ESRRG: variants seen among roughly 807,000 people sequenced by gnomAD.
ESRRG encodes estrogen-related receptor gamma.
A neutral mutation model predicts 44.0 loss-of-function variants in ESRRG; 13 were observed. That is an observed-to-expected ratio of 0.30 (90% CI 0.19 to 0.47). The LOEUF is 0.47. Ranked by LOEUF, ESRRG falls within the 20% of genes least tolerant of loss-of-function variation. The probability of loss-of-function intolerance (pLI) is 1.00; values close to 1 mark genes in which losing one functional copy is unlikely to be tolerated. For synonymous variants in ESRRG, 215 were observed against 214.6 expected (o/e 1.00, Z -0.02); for missense variants, 395 against 580.6 (o/e 0.68, Z 3.29).
chr1:216,841,120 T>G (rs2095646293), intron 2 of ESRRG, among the ~76,000 whole-genome samples: 1 of 152,154 alleles, frequency 6.6e-6, no homozygotes, highest in Non-Finnish European at 1.5e-5. Flanking sequence ...CCTGTAGTCA[T>G]CATCAACTCA....
intron 2 of ESRRG, chr1:216,862,612 T>C (rs2096071940): frequency 6.6e-6 from 1 of 152,136 alleles, no homozygotes. Context: ...AAAATAATTA[T>C]ACTGATTGAG....
At chr1:216,625,774 A>G (rs898761566) in intron 3 of ESRRG, among the ~76,000 whole-genome samples, 3 of 152,212 alleles carry the variant, frequency 2.0e-5, no homozygotes, top group African/African-American at 7.2e-5. Flanking sequence ...GCTTCTACAT[A>G]CATATACAGT....
intron 3 of ESRRG, among the ~76,000 whole-genome samples, chr1:216,641,199 A>G (rs2066350094): frequency 6.6e-6 from 1 of 152,202 alleles, no homozygotes; most frequent in Admixed American, 6.5e-5. Context: ...AGACAAATGC[A>G]GGGAGCACAG....
At chr1:217,124,936 T>G (rs879885205) in intron 1 of ESRRG, among the ~76,000 whole-genome samples, 3 of 152,192 alleles carry the variant, frequency 2.0e-5, no homozygotes, top group Middle Eastern at 3.2e-3. Flanking sequence ...CCAAATGGTC[T>G]AAAATGGCCT....
intron 1 of ESRRG, among the ~76,000 whole-genome samples, chr1:217,123,805 G>A (rs1247870797): frequency 6.6e-6 from 1 of 152,106 alleles, no homozygotes; most frequent in Admixed American, 6.6e-5. Context: ...AATGCATGCT[G>A]GGCTTAATAT....
At chr1:216,733,084 A>C (rs2152136651) in intron 2 of ESRRG, among the ~76,000 whole-genome samples, 1 of 152,164 alleles carries the variant, frequency 6.6e-6, no homozygotes, top group Middle Eastern at 3.4e-3. Flanking sequence ...AAAAAAATTC[A>C]ACTTTAAAAC....
rs370818306 is a variant in ESRRG at position 217,121,981 on chromosome 1, C to T, written c.-230+15686G>A. 2.2e-4 allele frequency among the ~76,000 whole-genome samples: 34 copies of T among 152,234 alleles called. No individual in the cohort carries two copies. In the South Asian group the frequency reaches 6.8e-3, roughly 31 times the overall value. ...TTTGCTTAAAAGGAAATTGCTTGTC[C>T]TGAATTTCTGTTCAGATAACCACGA... is the stretch of plus-strand genomic sequence containing the variant. On this transcript the variant is annotated intron_variant, in intron 1 of 8. Coordinates refer to the ESRRG transcript ENST00000366940.
intron 1 of ESRRG, among the ~76,000 whole-genome samples, chr1:217,073,047 A>G (rs1271372835): frequency 6.6e-6 from 1 of 152,012 alleles, no homozygotes; most frequent in Non-Finnish European, 1.5e-5. Flanking sequence ...TGACTGGAGC[A>G]TCAGACAAGG....
intron 1 of ESRRG, among the ~76,000 whole-genome samples, chr1:216,710,048 C>T (rs1418317603): frequency 6.6e-6 from 1 of 152,130 alleles, no homozygotes; most frequent in Admixed American, 6.5e-5. Context: ...CCTCGCATGC[C>T]TTCTCTGCAC....
In ESRRG at chr1:217,072,789, T is replaced by G. The variant is rs1431991183; in HGVS notation, c.-106+16718A>C. Among the ~76,000 whole-genome samples the G allele has an allele frequency of 4.6e-5, 7 of 152,270 alleles. No individual in the cohort carries two copies. In the South Asian group the frequency reaches 1.2e-3, roughly 27 times the overall value. ...AGAAGCCCTCAACAAAGTTCTAGATTGGGAATCTGAAATCGCAAGCCATAG... is the reference window on the plus strand; with the variant it reads ...AGAAGCCCTCAACAAAGTTCTAGATGGGGAATCTGAAATCGCAAGCCATAG... On this transcript the variant is annotated intron_variant, in intron 1 of 7. Transcript: ENST00000359162.
At chr1:216,869,757 T>C (rs2096232942) in intron 2 of ESRRG, among the ~76,000 whole-genome samples, 1 of 152,018 alleles carries the variant, frequency 6.6e-6, no homozygotes, top group Admixed American at 6.5e-5. Context: ...CAGCAATAGA[T>C]CCTGGAAATA....
At chr1:217,012,188 G>T (rs1443755486) in intron 1 of ESRRG, among the ~76,000 whole-genome samples, 1 of 152,176 alleles carries the variant, frequency 6.6e-6, no homozygotes, top group Non-Finnish European at 1.5e-5. Flanking sequence ...CGTCATTCTA[G>T]TGGATTGCCA....
At chr1:216,596,853 T>C (rs2058516688) in intron 3 of ESRRG, among the ~76,000 whole-genome samples, 1 of 152,132 alleles carries the variant, frequency 6.6e-6, no homozygotes, top group African/African-American at 2.4e-5. Flanking sequence ...TCCTGAGTAC[T>C]AAGGCTATAC....
intron 1 of ESRRG, among the ~76,000 whole-genome samples, chr1:217,097,644 C>T (rs900632416): frequency 2.0e-5 from 3 of 151,986 alleles, no homozygotes; most frequent in Non-Finnish European, 4.4e-5. Flanking sequence ...ATTTAAGTAT[C>T]GGGGTTATTG....
chr1:216,537,061 G>A (rs932991158), intron 5 of ESRRG, among the ~76,000 whole-genome samples: 16 of 152,126 alleles, frequency 1.1e-4, no homozygotes, highest in African/African-American at 3.9e-4. Context: ...GTCTATCAGG[G>A]TGCTATAGAC....
At chr1:216,516,149 G>A (rs1410655129) in intron 6 of ESRRG, among the ~76,000 whole-genome samples, 2 of 152,050 alleles carry the variant, frequency 1.3e-5, no homozygotes, top group African/African-American at 2.4e-5. Flanking sequence ...AATTACTCAA[G>A]AGGTTGTTAA....
chr1:216,810,518 C>G (rs2094934260), intron 2 of ESRRG, among the ~76,000 whole-genome samples: 1 of 149,682 alleles, frequency 6.7e-6, no homozygotes, highest in Non-Finnish European at 1.5e-5. Flanking sequence ...GATAAAAAGA[C>G]AGTGGTATAC....
At chr1:216,664,910 C>T (rs1403392529) in intron 2 of ESRRG, among the ~76,000 whole-genome samples, 1 of 151,968 alleles carries the variant, frequency 6.6e-6, no homozygotes, top group Non-Finnish European at 1.5e-5. Context: ...GGATCTCAAA[C>T]AAGTATTTGT....
chr1:216,561,094 T>G (rs1429212778), intron 5 of ESRRG, among the ~76,000 whole-genome samples: 1 of 152,166 alleles, frequency 6.6e-6, no homozygotes, highest in Admixed American at 6.5e-5. Flanking sequence ...ACTTTCCCAT[T>G]TATATGATTT....
Sources: allele counts gnomAD v4.1 joint callset (sites outside exome capture counted in the v4.1 genomes callset), GRCh38; gene constraint gnomAD v4.1.1; transcripts MANE v1.5; gene names NCBI Gene and HGNC (gene_info 2026-07-23, HGNC 2026-07-21).